Variants in ZNF708 observed in about 807,000 individuals in gnomAD.
ZNF708 encodes the protein zinc finger protein 708.
In ZNF708, 44 loss-of-function variants were observed where a neutral mutation model predicts 47.0. That is an observed-to-expected ratio of 0.94 (90% CI 0.74 to 1.20). The LOEUF is 1.20. Ranked by LOEUF, ZNF708 falls within the 50% of genes most tolerant of loss-of-function variation. The probability of loss-of-function intolerance (pLI) is 0.00; values close to 1 mark genes in which losing one functional copy is unlikely to be tolerated. For synonymous variants in ZNF708, 184 were observed against 218.5 expected, an observed-to-expected ratio of 0.84 and a Z score of 1.39; for missense variants, 557 against 656.0, an observed-to-expected ratio of 0.85 and a Z score of 1.65.
In ZNF708 at chr19:21,328,461, G is replaced by A. The variant is rs558863626; in HGVS notation, c.3+749C>T. ...TATTTGCAGTTTAAATCTAACTGCA[G>A]GCCAGAGTTAGGCTGGAGGAATGGG... On this transcript the variant is annotated intron_variant, in intron 1 of 3. Coordinates refer to ENST00000356929, the MANE Select transcript of ZNF708 (RefSeq NM_021269.3). Among the ~76,000 whole-genome samples, 18 of 152,296 alleles carry A rather than the reference G, an allele frequency of 1.2e-4. No homozygotes were observed. The East Asian group carries it at 3.3e-3, about 28-fold the overall frequency.
chr19:21,296,812 T>C (rs1972534626), intron 3 of ZNF708, among the ~76,000 whole-genome samples: 1 of 151,972 alleles, frequency 6.6e-6, no homozygotes, highest in Non-Finnish European at 1.5e-5. Context: ...GAAATGATTA[T>C]AAACATCTGT....
Position 21,298,907 on chromosome 19 carries a change from A to G in ZNF708, c.227-4168T>C, listed in dbSNP as rs146336792. Among the ~76,000 whole-genome samples the G allele has an allele frequency of 1.9e-3, 296 of 152,316 alleles. 1 individual carries two copies. The highest frequency in any genetic ancestry group is 6.7e-3 in the African/African-American group (279 of 41,582). ...GCAAACAGCAGAAAATATTATAACA[A>G]CTATAAAGATAAATCTTAACATTAT... is the stretch of plus-strand genomic sequence containing the variant. On this transcript the variant is annotated intron_variant, in intron 3 of 3. Transcript: ENST00000356929.
intron 3 of ZNF708, among the ~76,000 whole-genome samples, chr19:21,301,714 T>C (rs562738891): frequency 6.6e-6 from 1 of 152,220 alleles, no homozygotes; most frequent in African/African-American, 2.4e-5. Flanking sequence ...GGAGAATCAC[T>C]TGAACTCGGG....
intron 3 of ZNF708, among the ~76,000 whole-genome samples, chr19:21,300,492 AC>A (rs1972635632): frequency 6.6e-6 from 1 of 150,932 alleles, no homozygotes; most frequent in African/African-American, 2.4e-5. Context: ...GACAACAAGA[AC>A]GAAACTCTGT....
rs1314664184 is a variant in ZNF708, at chr19:21,329,285, G to T, written c.-73C>A. 9 of 1,597,142 alleles carry T rather than the reference G, an allele frequency of 5.6e-6. No homozygotes were observed. Among genetic ancestry groups the T allele is most frequent in the South Asian group, 5.5e-5 (5 of 90,848 alleles). ...TACCTGCAGGTCACAGAGCCACAGA[G>T]TCTGGGCCTCTAGGAGCAGAGGACA... is the stretch of plus-strand genomic sequence containing the variant. On this transcript the variant is annotated 5_prime_UTR_variant, in exon 1 of 4. Transcript: ENST00000356929.
chr19:21,298,948 C>A (rs552731206), intron 3 of ZNF708, among the ~76,000 whole-genome samples: 4 of 152,090 alleles, frequency 2.6e-5, no homozygotes, highest in African/African-American at 9.6e-5. Context: ...ATGAAACGAG[C>A]CAGTCACAAA....
chr19:21,324,472 CAGG>C (rs1973217814), intron 1 of ZNF708, among the ~76,000 whole-genome samples: 3 of 152,008 alleles, frequency 2.0e-5, no homozygotes. Flanking sequence ...GAGACTGAGG[CAGG>C]AGAATAGTTT....
chr19:21,325,524 T>C (rs942341457), intron 1 of ZNF708, among the ~76,000 whole-genome samples: 1 of 152,184 alleles, frequency 6.6e-6, no homozygotes, highest in East Asian at 1.9e-4. Context: ...TGTAGGAGAA[T>C]GAAACTGGAT....
chr19:21,316,116 C>T (rs1472254496), intron 1 of ZNF708, among the ~76,000 whole-genome samples: 9 of 128,814 alleles, frequency 7.0e-5, no homozygotes, highest in Admixed American at 8.7e-5. Flanking sequence ...CTTTTCTTTT[C>T]TTTTCTTTTC....
At position 21,293,937 on chromosome 19, in the gene ZNF708, T is replaced by C. The variant is rs1426658376; in HGVS notation, c.1029A>G (p.Lys343=). 1.2e-6 allele frequency: 2 copies of C among 1,613,300 alleles called. No individual in the cohort carries two copies. Among genetic ancestry groups the C allele is most frequent in the African/African-American group, 2.7e-5 (2 of 74,674 alleles). Reference sequence around the variant, plus strand: ...TAAGGGTTGAAAATACACTAAAAGCTTTGCCACATTCTTCACATTTGTAGG... The same window carrying C: ...TAAGGGTTGAAAATACACTAAAAGCCTTGCCACATTCTTCACATTTGTAGG... ...EKPYKCEECG[K]AFSVFSTLTK... The change falls in exon 4 of 4, where the codon AAA becomes AAG. Residue 343 remains lysine, a synonymous_variant. Transcript: ENST00000356929.
intron 3 of ZNF708, among the ~76,000 whole-genome samples, chr19:21,307,126 TAAAAA>T (rs1263578633): frequency 7.4e-6 from 1 of 134,264 alleles, no homozygotes; most frequent in African/African-American, 2.8e-5. Flanking sequence ...AAATATAAAA[TAAAAA>T]ATAAAATAAA....
chr19:21,322,029 T>C (rs1055325918), intron 1 of ZNF708, among the ~76,000 whole-genome samples: 2 of 151,972 alleles, frequency 1.3e-5, no homozygotes, highest in Non-Finnish European at 2.9e-5. Context: ...GAACCCTAGG[T>C]TGGTGGAGAA....
intron 1 of ZNF708, among the ~76,000 whole-genome samples, chr19:21,312,519 G>A (rs1357068302): frequency 6.6e-6 from 1 of 152,168 alleles, no homozygotes; most frequent in Non-Finnish European, 1.5e-5. Context: ...CAGAGCCTGT[G>A]AGGAGGGGTG....
At chr19:21,328,667 A>C (rs2145194507) in intron 1 of ZNF708, among the ~76,000 whole-genome samples, 1 of 152,350 alleles carries the variant, frequency 6.6e-6, no homozygotes, top group East Asian at 1.9e-4. Flanking sequence ...TATTAAATAT[A>C]GTTTTCTTCA....
chr19:21,295,933 T>A (rs969657646), intron 3 of ZNF708, among the ~76,000 whole-genome samples: 4 of 151,908 alleles, frequency 2.6e-5, no homozygotes, highest in African/African-American at 9.7e-5. Context: ...ACACAGTGAA[T>A]GAAACAGGAA....
intron 1 of ZNF708, among the ~76,000 whole-genome samples, chr19:21,313,930 G>C (rs1306574741): frequency 2.0e-5 from 3 of 152,180 alleles, no homozygotes; most frequent in Non-Finnish European, 4.4e-5. Flanking sequence ...TTCCTAAATG[G>C]AATGTTTCTG....
chr19:21,304,498 T>C (rs959367094), intron 3 of ZNF708, among the ~76,000 whole-genome samples: 2 of 152,122 alleles, frequency 1.3e-5, no homozygotes, highest in African/African-American at 2.4e-5. Flanking sequence ...TTAACAGATA[T>C]GTACAAAACT....
intron 1 of ZNF708, among the ~76,000 whole-genome samples, chr19:21,312,982 G>A (rs1220589298): frequency 2.1e-5 from 3 of 145,308 alleles, no homozygotes; most frequent in South Asian, 2.2e-4. Context: ...TTAAGCAGGC[G>A]CTATGTGCTC....
chr19:21,291,446 G>GT lies in ZNF708; in HGVS notation c.*1827dup, dbSNP rs1318401347. The GT allele has an allele frequency of 6.6e-6, 1 of 152,050 alleles. No individual in the cohort carries two copies. The highest frequency in any genetic ancestry group is 1.5e-5 in the Non-Finnish European group (1 of 68,022). The allele number at this position is 152,050 out of a possible 1,614,324, so 9.4% of individuals were successfully genotyped here. On this transcript the variant is annotated 3_prime_UTR_variant, in exon 4 of 4. Transcript: ENST00000356929. Reference sequence around the variant, plus strand: ...AAGAAACTCTCCTATCTTTGATGCCGTGACAACTGATCACATGCTTTCACA... The same window carrying GT: ...AAGAAACTCTCCTATCTTTGATGCCGTTGACAACTGATCACATGCTTTCACA...
Sources: allele counts gnomAD v4.1 joint callset (sites outside exome capture counted in the v4.1 genomes callset), GRCh38; gene constraint gnomAD v4.1.1; transcripts MANE v1.5; gene names NCBI Gene and HGNC (gene_info 2026-07-23, HGNC 2026-07-21).